Variants in COL19A1 observed in about 807,000 individuals in gnomAD.
COL19A1 encodes the protein collagen alpha-1(XIX) chain.
COL19A1 carries 159 observed loss-of-function variants against 190.2 expected under a neutral mutation model. That is an observed-to-expected ratio of 0.84 (90% confidence interval 0.73 to 0.95). The LOEUF is 0.95. Among genes scored for constraint, COL19A1 ranks in the 40% least tolerant of loss-of-function variants. The pLI, the probability that COL19A1 is intolerant of heterozygous loss-of-function variation, is 0.00. For missense variants in COL19A1, 1,418 were observed against 1,431.9 expected (o/e 0.99, Z 0.16); for synonymous variants, 509 against 458.9 (o/e 1.11, Z -1.39).
intron 40 of COL19A1, among the ~76,000 whole-genome samples, chr6:70,171,163 T>G (rs950300915): frequency 4.6e-5 from 7 of 152,200 alleles, no homozygotes; most frequent in African/African-American, 1.7e-4. Flanking sequence ...TGTGTGTGAT[T>G]ATTTTAGCTC....
intron 14 of COL19A1, among the ~76,000 whole-genome samples, chr6:70,067,980 A>T (rs1435635611): frequency 6.6e-6 from 1 of 152,134 alleles, no homozygotes; most frequent in Non-Finnish European, 1.5e-5. Context: ...ATGAGTAGGC[A>T]TGTTTGAAGC....
Position 70,150,005 on chromosome 6 carries a change from G to A in COL19A1, c.1997G>A (p.Arg666Lys). The change falls in exon 30 of 51, where the codon AGA becomes AAA. Residue 666 changes from arginine (R) to lysine (K), a missense_variant. By Grantham distance (26) the Arg-to-Lys change is conservative. Transcript: ENST00000620364. The stretch of plus-strand genomic sequence containing the variant: ...CTCTGTTTTCAGGGAGTTCCAGGGA[G>A]AGATGGAAAGCCAGGCCTGCCAGGC... The part of the protein sequence containing the change: ...GTPGNDGVPG[R>K]DGKPGLPGPP... 1.2e-6 allele frequency: 2 copies of A among 1,613,830 alleles called. No individual in the cohort carries two copies. The highest frequency in any genetic ancestry group is 2.2e-5 in the East Asian group (1 of 44,864).
At chr6:70,194,964 CAT>C (rs571859944) in intron 48 of COL19A1, among the ~76,000 whole-genome samples, 2 of 150,520 alleles carry the variant, frequency 1.3e-5, no homozygotes, top group East Asian at 1.9e-4. Context: ...ACATATATTT[CAT>C]ATATATATAT....
intron 4 of COL19A1, among the ~76,000 whole-genome samples, chr6:69,905,701 C>A (rs1770508052): frequency 6.6e-6 from 1 of 152,236 alleles, no homozygotes; most frequent in African/African-American, 2.4e-5. Context: ...CTCGGCCTAT[C>A]CTTGACCAAA....
In COL19A1 at chr6:70,212,095, T is replaced by A. The variant is rs1296711660; in HGVS notation, c.*4821T>A. 1.3e-5 allele frequency among the ~76,000 whole-genome samples: 2 copies of A among 152,216 alleles called. No homozygotes were observed. The highest frequency in any genetic ancestry group is 4.8e-5 in the African/African-American group (2 of 41,456). ...GTATTGTGTGACCATACTAAGCTTC[T>A]GGGTGTAAGTAAAGATGCTGGCTAT... On this transcript the variant is annotated 3_prime_UTR_variant, in exon 51 of 51. Transcript: ENST00000620364.
chr6:70,174,789 G>A (rs962466505), intron 41 of COL19A1, among the ~76,000 whole-genome samples: 3 of 152,164 alleles, frequency 2.0e-5, no homozygotes, highest in Non-Finnish European at 4.4e-5. Context: ...GAGAGGGAGA[G>A]GCCATTGAGG....
chr6:70,099,358 C>G (rs775339962), intron 15 of COL19A1, among the ~76,000 whole-genome samples: 1 of 152,130 alleles, frequency 6.6e-6, no homozygotes, highest in African/African-American at 2.4e-5. Context: ...CTACACCTGA[C>G]CTCACATGAC....
At chr6:69,867,646 AC>A (rs1229951757) in intron 1 of COL19A1, 4 of 152,150 alleles carry the variant, frequency 2.6e-5, no homozygotes, top group Non-Finnish European at 5.9e-5. Flanking sequence ...GCGTAAGCGA[AC>A]CCCCTTAGAG....
intron 14 of COL19A1, among the ~76,000 whole-genome samples, chr6:70,053,514 G>A (rs1469710007): frequency 1.3e-5 from 2 of 152,130 alleles, no homozygotes; most frequent in Admixed American, 6.5e-5. Flanking sequence ...TCTTATTAAT[G>A]CCATTAGTAC....
chr6:70,064,386 A>G (rs1474059173), intron 14 of COL19A1, among the ~76,000 whole-genome samples: 1 of 152,236 alleles, frequency 6.6e-6, no homozygotes, highest in African/African-American at 2.4e-5. Flanking sequence ...CAGATGCAGA[A>G]AAGGCCTTTG....
At chr6:70,177,806 G>A (rs1318774053) in intron 42 of COL19A1, among the ~76,000 whole-genome samples, 1 of 152,098 alleles carries the variant, frequency 6.6e-6, no homozygotes, top group Non-Finnish European at 1.5e-5. Flanking sequence ...TTGTTTCCTT[G>A]TGATAAAATA....
At chr6:69,919,564 C>A (rs1771558670) in intron 4 of COL19A1, among the ~76,000 whole-genome samples, 2 of 151,176 alleles carry the variant, frequency 1.3e-5, no homozygotes, top group Admixed American at 1.3e-4. Context: ...TAAATTTTGA[C>A]CAGAAAAAAA....
intron 11 of COL19A1, among the ~76,000 whole-genome samples, chr6:69,981,466 T>G (rs1489536057): frequency 6.6e-6 from 1 of 152,174 alleles, no homozygotes; most frequent in Non-Finnish European, 1.5e-5. Context: ...TGTGCCTGTA[T>G]GTATGTGTGC....
At chr6:70,095,200 A>G (rs1184947868) in intron 15 of COL19A1, among the ~76,000 whole-genome samples, 3 of 152,156 alleles carry the variant, frequency 2.0e-5, no homozygotes, top group Non-Finnish European at 4.4e-5. Flanking sequence ...ATGTAGTTCA[A>G]TTTCATTCAT....
Position 70,091,961 on chromosome 6 carries a change from A to T in COL19A1, c.1225-10208A>T, listed in dbSNP as rs531062496. Among the ~76,000 whole-genome samples, 5 of 152,312 alleles carry T rather than the reference A, an allele frequency of 3.3e-5. No homozygotes were observed. The South Asian group carries it at 1.0e-3, about 32-fold the overall frequency. ...AGGAAGCGAAAAGTAGTATTCAAAT[A>T]AAGAAAAATACTCTCGGTTTTGTAC... is the stretch of plus-strand genomic sequence containing the variant. On this transcript the variant is annotated intron_variant, in intron 15 of 50. Transcript: ENST00000620364.
intron 2 of COL19A1, among the ~76,000 whole-genome samples, chr6:69,883,345 C>A (rs1048046025): frequency 5.9e-5 from 9 of 152,186 alleles, no homozygotes; most frequent in Admixed American, 3.3e-4. Context: ...TAAATCCTGT[C>A]CTATGAGACC....
chr6:70,199,803 C>T, intron 49 of COL19A1, 67 bp downstream of exon 49: 23 of 1,481,580 alleles, frequency 1.6e-5, no homozygotes, highest in Non-Finnish European at 2.0e-5. Flanking sequence ...ATGTTAGTCA[C>T]AGTTAAGGAA....
chr6:70,151,253 A>C (rs1222312526), intron 30 of COL19A1, 144 bp from the exon 31 acceptor site: 1 of 695,868 alleles, frequency 1.4e-6, no homozygotes, highest in Non-Finnish European at 2.3e-6. Context: ...TATACGAAAC[A>C]TAATGTTAAG....
chr6:69,879,592 C>A lies in COL19A1; in HGVS notation c.25C>A (p.Leu9Ile), dbSNP rs961929184. ...AATGAGACTCACTGGCCCTTGGAAACTTTGGCTTTGGATGTCAATATTTCT... is the reference window on the plus strand; with the variant it reads ...AATGAGACTCACTGGCCCTTGGAAAATTTGGCTTTGGATGTCAATATTTCT... MRLTGPWKLWLWMSIFLLP... is the reference protein window; with the variant it reads MRLTGPWKIWLWMSIFLLP... The change falls in exon 2 of 51, where the codon CTT (leucine) becomes ATT (isoleucine). Residue 9 changes from leucine to isoleucine, a missense_variant. Coordinates refer to ENST00000620364, the MANE Select transcript of COL19A1 (RefSeq NM_001858.6). The A allele has an allele frequency of 6.2e-7, 1 of 1,614,020 alleles. No individual in the cohort carries two copies. Among genetic ancestry groups the A allele is most frequent in the East Asian group, 2.2e-5 (1 of 44,884 alleles).
Sources: allele counts gnomAD v4.1 joint callset (sites outside exome capture counted in the v4.1 genomes callset), GRCh38; gene constraint gnomAD v4.1.1; transcripts MANE v1.5; gene names NCBI Gene and HGNC (gene_info 2026-07-23, HGNC 2026-07-21).